NBAS: variants seen among roughly 807,000 people sequenced by gnomAD.
The protein encoded by NBAS is NAG/BC035112 fusion.
Under a neutral mutation model 302.5 loss-of-function variants are expected in NBAS, and 219 were observed. The observed-to-expected ratio is 0.72, with a 90% CI of 0.65 to 0.81. NBAS has a LOEUF of 0.81. NBAS is among the 30% of genes least tolerant of loss of function. The pLI, the probability that NBAS is intolerant of heterozygous loss-of-function variation, is 0.00. For missense variants in NBAS, 2,932 were observed against 2,841.6 expected, an observed-to-expected ratio of 1.03 and a Z score of -0.72; for synonymous variants, 1,118 against 1,021.6, an observed-to-expected ratio of 1.09 and a Z score of -1.80.
the NBAS span, among the ~76,000 whole-genome samples, chr2:14,784,130 T>A: frequency 3.9e-5 from 6 of 152,198 alleles, no homozygotes; most frequent in African/African-American, 1.4e-4. Flanking sequence ...TTTTGAGAAG[T>A]GTCTGTTCAT....
At chr2:15,481,108 T>TG (rs1680409341) in intron 12 of NBAS, among the ~76,000 whole-genome samples, 1 of 152,222 alleles carries the variant, frequency 6.6e-6, no homozygotes, top group Non-Finnish European at 1.5e-5. Context: ...ATCTTTCACT[T>TG]AGTATAATAT....
At chr2:15,295,358 G>A (rs965879783) in intron 40 of NBAS, among the ~76,000 whole-genome samples, 1 of 152,202 alleles carries the variant, frequency 6.6e-6, no homozygotes, top group Non-Finnish European at 1.5e-5. Flanking sequence ...AGACAGTAGT[G>A]TCTCCTTTTG....
At chr2:15,278,199 T>G (rs1264173260) in intron 42 of NBAS, among the ~76,000 whole-genome samples, 1 of 152,178 alleles carries the variant, frequency 6.6e-6, no homozygotes, top group Admixed American at 6.5e-5. Flanking sequence ...GTGACAACAC[T>G]TGGGTTAAAA....
chr2:15,201,647 G>T (rs1385066075), intron 48 of NBAS, among the ~76,000 whole-genome samples: 2 of 152,026 alleles, frequency 1.3e-5, no homozygotes, highest in Admixed American at 1.3e-4. Flanking sequence ...TTCTATTTTT[G>T]TTCATTTCTG....
At chr2:15,310,815 T>C (rs947965951) in intron 38 of NBAS, among the ~76,000 whole-genome samples, 4 of 152,250 alleles carry the variant, frequency 2.6e-5, no homozygotes, top group Non-Finnish European at 4.4e-5. Flanking sequence ...TAGGCATCTG[T>C]GAATATAAAC....
chr2:15,184,565 T>C (rs1664986821), intron 50 of NBAS, among the ~76,000 whole-genome samples: 1 of 152,166 alleles, frequency 6.6e-6, no homozygotes, highest in Admixed American at 6.5e-5. Flanking sequence ...TATAAGAATC[T>C]TGTGCCACCA....
At chr2:14,898,752 A>G in the NBAS span, among the ~76,000 whole-genome samples, 1 of 152,166 alleles carries the variant, frequency 6.6e-6, no homozygotes, top group East Asian at 1.9e-4. Flanking sequence ...GTCTTCCACC[A>G]TGATTATGAG....
chr2:15,021,627 T>C, the NBAS span, among the ~76,000 whole-genome samples: 3 of 146,308 alleles, frequency 2.1e-5, no homozygotes, highest in South Asian at 2.2e-4. Flanking sequence ...TCACCCACTT[T>C]GGCCCTGACT....
chr2:14,801,682 C>T, the NBAS span, among the ~76,000 whole-genome samples: 2 of 151,934 alleles, frequency 1.3e-5, no homozygotes. Flanking sequence ...CTCTTCTTTG[C>T]ATTCCTGGTA....
chr2:15,052,985 G>GT, the NBAS span, among the ~76,000 whole-genome samples: 1 of 152,142 alleles, frequency 6.6e-6, no homozygotes, highest in Admixed American at 6.5e-5. Flanking sequence ...AAACAAATTT[G>GT]TAAGTGTTAA....
At chr2:14,963,776 C>T in the NBAS span, among the ~76,000 whole-genome samples, 1 of 152,230 alleles carries the variant, frequency 6.6e-6, no homozygotes, top group Non-Finnish European at 1.5e-5. Context: ...TTTCTCTGGA[C>T]TTCACCACAT....
chr2:15,255,113 C>G (rs1246911037), intron 44 of NBAS, among the ~76,000 whole-genome samples: 1 of 152,080 alleles, frequency 6.6e-6, no homozygotes, highest in Non-Finnish European at 1.5e-5. Context: ...AATGTTAGTT[C>G]TATTTTAGTT....
the NBAS span, among the ~76,000 whole-genome samples, chr2:14,797,191 G>A: frequency 2.0e-5 from 3 of 151,734 alleles, no homozygotes; most frequent in Non-Finnish European, 4.4e-5. Flanking sequence ...TCGGGTAGGC[G>A]TTGTCCACTT....
intron 40 of NBAS, among the ~76,000 whole-genome samples, chr2:15,304,350 C>T (rs1670937376): frequency 6.6e-6 from 1 of 152,128 alleles, no homozygotes; most frequent in Non-Finnish European, 1.5e-5. Context: ...GCCTCCCCAG[C>T]CATGCTGAAC....
intron 1 of NBAS, among the ~76,000 whole-genome samples, chr2:15,560,233 A>G (rs1002265613): frequency 1.5e-4 from 23 of 152,164 alleles, no homozygotes; most frequent in African/African-American, 5.3e-4. Context: ...TGTTAAATAA[A>G]CATGGATCCA....
At chr2:14,909,128 C>A in the NBAS span, among the ~76,000 whole-genome samples, 1 of 151,808 alleles carries the variant, frequency 6.6e-6, no homozygotes, top group Non-Finnish European at 1.5e-5. Context: ...GTCAGGAGAT[C>A]GAGACCACGG....
intron 9 of NBAS, among the ~76,000 whole-genome samples, chr2:15,523,157 C>A (rs947689162): frequency 2.8e-4 from 42 of 152,288 alleles, no homozygotes; most frequent in African/African-American, 9.9e-4. Flanking sequence ...GGTCCCATGG[C>A]ATTATTCAAG....
the NBAS span, among the ~76,000 whole-genome samples, chr2:14,806,316 T>A: frequency 6.6e-6 from 1 of 152,182 alleles, no homozygotes; most frequent in African/African-American, 2.4e-5. Context: ...TCTTCCATCA[T>A]GTGTATGTGT....
At chr2:15,151,194 A>G in the NBAS span, among the ~76,000 whole-genome samples, 4 of 152,238 alleles carry the variant, frequency 2.6e-5, no homozygotes, top group African/African-American at 9.6e-5. Context: ...TTAATGATCA[A>G]TCATAAGTGT....
Sources: gnomAD v4.1 joint callset for allele counts (sites outside exome capture counted in the v4.1 genomes callset) on GRCh38, gnomAD v4.1.1 for gene constraint, MANE v1.5 for transcripts, NCBI Gene and HGNC (gene_info 2026-07-23, HGNC 2026-07-21) for gene names.